EARS2: variants seen among roughly 807,000 people sequenced by gnomAD.
EARS2 encodes glutamyl-tRNA synthetase 2, mitochondrial, also known as nondiscriminating glutamyl-tRNA synthetase EARS2, mitochondrial.
Under a neutral mutation model 54.1 loss-of-function variants are expected in EARS2, and 50 were observed. The ratio of observed to expected loss-of-function variants is 0.92; its 90% confidence interval spans 0.74 to 1.17. The LOEUF is 1.17. Among genes scored for constraint, EARS2 ranks in the 50% most tolerant of loss-of-function variants. The probability of loss-of-function intolerance (pLI) is 0.00; values close to 1 mark genes in which losing one functional copy is unlikely to be tolerated. For missense variants in EARS2, 673 were observed against 675.0 expected (o/e 1.00, Z 0.03); for synonymous variants, 298 against 281.0 (o/e 1.06, Z -0.61).
rs1420413768 is a variant in EARS2 at position 23,524,282 on chromosome 16, C to T, written c.*89G>A. On this transcript the variant is annotated 3_prime_UTR_variant, in exon 9 of 9. Transcript: ENST00000449606. ...TTAGTTCCTTCAGCAAACTTCCCGACGGGCCCCAGGCCTCCTTCTGGTCTC... is the reference window on the plus strand; with the variant it reads ...TTAGTTCCTTCAGCAAACTTCCCGATGGGCCCCAGGCCTCCTTCTGGTCTC... The T allele has an allele frequency of 2.6e-5, 29 of 1,123,182 alleles. No individual in the cohort carries two copies. Among genetic ancestry groups the T allele is most frequent in the Middle Eastern group, 2.1e-4 (1 of 4,724 alleles). 69.6% of individuals were successfully genotyped at this position (1,123,182 alleles called of 1,614,324 possible). A position where few individuals can be genotyped will look rare whatever the true frequency, so the allele number is the denominator to read the frequency against.
At chr16:23,538,801 G>A (rs1965465881) in intron 3 of EARS2, among the ~76,000 whole-genome samples, 2 of 152,058 alleles carry the variant, frequency 1.3e-5, no homozygotes, top group Non-Finnish European at 2.9e-5. Context: ...TCAAGGCTGT[G>A]GTGAGTCATG....
chr16:23,546,361 TG>T, intron 2 of EARS2: 1 of 455,870 alleles, frequency 2.2e-6, no homozygotes, highest in Non-Finnish European at 4.4e-6. Context: ...CTGAGCTGAG[TG>T]GGCCTGGGTT....
In EARS2 at chr16:23,552,278, T is replaced by C. The variant is rs772611157; in HGVS notation, c.166A>G (p.Thr56Ala). 6.2e-7 allele frequency: 1 copy of C among 1,614,174 alleles called. No homozygotes were observed. Among genetic ancestry groups the C allele is most frequent in the Non-Finnish European group, 8.5e-7 (1 of 1,179,998 alleles). The change falls in exon 2 of 9, where the codon ACT (threonine) becomes GCT (alanine). Residue 56 changes from threonine (T) to alanine (A), a missense_variant. Around this residue, in one of 3 missense-constraint regions of EARS2, gnomAD observed 316 missense variants for 275.2 expected, o/e 1.15. Coordinates refer to ENST00000449606, the MANE Select transcript of EARS2 (RefSeq NM_001083614.2). ...TGFLHLGGLRTALYNYIFAKK... is the reference protein window; with the variant it reads ...TGFLHLGGLRAALYNYIFAKK... ...GCAAAGATGTAGTTGTACAAGGCAG[T>C]GCGGAGGCCACCCAGGTGCAAGAAG...
At chr16:23,542,458 C>T (rs2142181821) in intron 3 of EARS2, among the ~76,000 whole-genome samples, 1 of 150,154 alleles carries the variant, frequency 6.7e-6, no homozygotes, top group South Asian at 2.1e-4. Flanking sequence ...GCTGGGACTA[C>T]ATGCGCACCA....
intron 1 of EARS2, among the ~76,000 whole-genome samples, chr16:23,554,600 G>A (rs780926112): frequency 5.3e-5 from 8 of 152,188 alleles, no homozygotes; most frequent in Non-Finnish European, 1.0e-4. Context: ...GGCCGACCCT[G>A]CTTCAACACT....
chr16:23,557,009 C>A, intron 1 of EARS2, 196 bp downstream of exon 1: 1 of 860,436 alleles, frequency 1.2e-6, no homozygotes. Context: ...ACAAAAAACA[C>A]AAGAAACTCC....
intron 8 of EARS2, 67 bp downstream of exon 8, chr16:23,525,177 G>C: frequency 1.2e-6 from 2 of 1,611,286 alleles, no homozygotes; most frequent in Non-Finnish European, 1.7e-6. Context: ...GTGCCTGCCA[G>C]GAAATGTAAG....
intron 3 of EARS2, among the ~76,000 whole-genome samples, chr16:23,535,787 C>G (rs1020019690): frequency 3.3e-5 from 5 of 152,150 alleles, no homozygotes; most frequent in Non-Finnish European, 7.4e-5. Context: ...CTCCAAAGGA[C>G]AAGAAGAGAA....
Position 23,540,994 on chromosome 16 carries a change from A to AAAAT in EARS2, c.485+3516_485+3519dup, listed in dbSNP as rs1429309650. Among the ~76,000 whole-genome samples the AAAAT allele has an allele frequency of 1.3e-3, 201 of 151,654 alleles. 1 individual carries two copies. Among genetic ancestry groups the AAAAT allele is most frequent in the African/African-American group, 3.7e-3 (151 of 41,314 alleles). On this transcript the variant is annotated intron_variant, in intron 3 of 8. Transcript: ENST00000449606. ...CAACAGAGCAAGACTCCGTCTCCAA[A>AAAAT]AAATAAATAAATAAATAAATAACAT...
At chr16:23,541,331 A>G (rs866793642) in intron 3 of EARS2, among the ~76,000 whole-genome samples, 1 of 151,762 alleles carries the variant, frequency 6.6e-6, no homozygotes, top group Non-Finnish European at 1.5e-5. Flanking sequence ...CATTTCTAAA[A>G]TAACACAACA....
chr16:23,546,484 G>T, intron 2 of EARS2: 1 of 453,628 alleles, frequency 2.2e-6, no homozygotes, highest in South Asian at 1.6e-5. Flanking sequence ...ATCATCATGA[G>T]ACTAGAGTAA....
chr16:23,527,550 C>CTTTTT (rs33925429), intron 7 of EARS2, among the ~76,000 whole-genome samples: 4 of 84,480 alleles, frequency 4.7e-5, no homozygotes, highest in Admixed American at 1.4e-4. Flanking sequence ...AGTGATCGTT[C>CTTTTT]TTTTTTTTTT....
In EARS2 at chr16:23,532,704, G is replaced by A; in HGVS notation, c.1020C>T (p.Thr340=). 6.2e-7 allele frequency: 1 copy of A among 1,614,138 alleles called. No homozygotes were observed. The highest frequency in any genetic ancestry group is 8.5e-7 in the Non-Finnish European group (1 of 1,180,018). ...CCAGGTCCAGCAGGGCTGAGTGACA[G>A]GTGACCTGTGTCAGGTTGAACTGTG... ...LITQFNLTQV[T]CHSALLDLEK... is the part of the protein sequence containing the mutation. The change falls in exon 5 of 9, where the codon ACC becomes ACT. Residue 340 remains threonine (T), a synonymous_variant. Transcript: ENST00000449606.
intron 1 of EARS2, among the ~76,000 whole-genome samples, chr16:23,555,146 C>T (rs1270647363): frequency 6.6e-6 from 1 of 152,188 alleles, no homozygotes; most frequent in Admixed American, 6.5e-5. Context: ...TATTATTAGC[C>T]CCGTTTTGAC....
At position 23,524,442 on chromosome 16, in the gene EARS2, C is replaced by A. The variant is rs1965190470; in HGVS notation, c.1501G>T (p.Val501Leu). The change falls in exon 9 of 9, where the codon GTA becomes TTA. Residue 501 changes from valine (V) to leucine (L), a missense_variant. Val to Leu is a conservative substitution (Grantham distance 32, BLOSUM62 1). Around this residue, in one of 3 missense-constraint regions of EARS2, gnomAD observed 338 missense variants for 361.2 expected, o/e 0.94. Coordinates refer to ENST00000449606, the MANE Select transcript of EARS2 (RefSeq NM_001083614.2). ...ALSGQQQGPPVAEMMLALGPK... is the reference protein window; with the variant it reads ...ALSGQQQGPPLAEMMLALGPK... ...CCCAAGGCCAACATCATCTCAGCTA[C>A]AGGAGGTCCTTGCTAAGAACAAAAA... is the stretch of plus-strand genomic sequence containing the variant. 1 of 1,614,160 alleles carries A rather than the reference C, an allele frequency of 6.2e-7. No individual in the cohort carries two copies. The highest frequency in any genetic ancestry group is 8.5e-7 in the Non-Finnish European group (1 of 1,180,014).
chr16:23,535,414 G>A (rs894832344), intron 3 of EARS2, 54 bp from the exon 4 acceptor site: 6 of 1,510,830 alleles, frequency 4.0e-6, no homozygotes, highest in African/African-American at 2.7e-5. Context: ...TGATGGACAG[G>A]AGTCCTACCT....
chr16:23,556,879 A>T (rs1433000081), intron 1 of EARS2: 3 of 585,588 alleles, frequency 5.1e-6, no homozygotes, highest in Non-Finnish European at 9.6e-6. Context: ...TCCACAGAGC[A>T]AGGCCCCTAC....
intron 1 of EARS2, among the ~76,000 whole-genome samples, chr16:23,556,458 G>C (rs1013587343): frequency 6.6e-6 from 1 of 152,136 alleles, no homozygotes; most frequent in Non-Finnish European, 1.5e-5. Context: ...GCGTTCAAGC[G>C]ATTCTCCTGC....
At position 23,532,657 on chromosome 16, in the gene EARS2, CTG is replaced by C. The variant is rs763166652; in HGVS notation, c.1065_1066del (p.Asn355LysfsTer11). The C allele has an allele frequency of 6.2e-7, 1 of 1,612,950 alleles. No homozygotes were observed. Among genetic ancestry groups the C allele is most frequent in the African/African-American group, 1.3e-5 (1 of 75,024 alleles). On this transcript the variant is annotated frameshift_variant and splice_region_variant, in exon 5 of 9. Transcript: ENST00000449606. LOFTEE classifies it high-confidence loss of function. Reference sequence around the variant, plus strand: ...GGGGATCTCCATGCTCCCCACTCACCTGTTGAATTCTGGGAGCTTCTCCAGGT... The same window carrying C: ...GGGGATCTCCATGCTCCCCACTCACCTTGAATTCTGGGAGCTTCTCCAGGT...
Sources: gnomAD v4.1 joint callset for allele counts (sites outside exome capture counted in the v4.1 genomes callset) on GRCh38, gnomAD v4.1.1 for gene constraint, gnomAD v4.1.1 regional missense constraint, MANE v1.5 for transcripts, NCBI Gene and HGNC (gene_info 2026-07-23, HGNC 2026-07-21) for gene names.